Variants in NRXN1 observed in about 807,000 individuals in gnomAD.
The protein encoded by NRXN1 is neurexin 1, also known as neurexin-1.
NRXN1 carries 39 observed loss-of-function variants against 150.9 expected under a neutral mutation model. That is an observed-to-expected ratio of 0.26 (90% CI 0.20 to 0.34). NRXN1 has a LOEUF of 0.34. NRXN1 is among the 10% of genes least tolerant of loss of function. The pLI is 1.00. For missense variants in NRXN1, 1,815 were observed against 1,949.9 expected, an observed-to-expected ratio of 0.93 and a Z score of 1.30; for synonymous variants, 924 against 757.0, an observed-to-expected ratio of 1.22 and a Z score of -3.62.
At chr2:49,974,652 A>G (rs1415306296) in intron 21 of NRXN1, among the ~76,000 whole-genome samples, 2 of 152,150 alleles carry the variant, frequency 1.3e-5, no homozygotes. Flanking sequence ...TTTTATTTGT[A>G]AGTTAATGAA....
At chr2:50,139,625 A>C (rs972874260) in intron 18 of NRXN1, among the ~76,000 whole-genome samples, 4 of 152,058 alleles carry the variant, frequency 2.6e-5, no homozygotes, top group Admixed American at 2.6e-4. Context: ...ACAAAACAAA[A>C]CACCACCAGT....
At chr2:50,478,491 C>T (rs142630569) in intron 15 of NRXN1, among the ~76,000 whole-genome samples, 1 of 151,706 alleles carries the variant, frequency 6.6e-6, no homozygotes, top group East Asian at 1.9e-4. Context: ...AATAAATCTC[C>T]ATTTTTTAAA....
chr2:50,458,783 T>A (rs575690369), intron 17 of NRXN1, among the ~76,000 whole-genome samples: 6 of 152,198 alleles, frequency 3.9e-5, no homozygotes, highest in African/African-American at 1.4e-4. Flanking sequence ...TGTTTCACCA[T>A]ATTGGCCAGG....
At chr2:50,716,302 T>C (rs1192758645) in intron 5 of NRXN1, among the ~76,000 whole-genome samples, 1 of 152,050 alleles carries the variant, frequency 6.6e-6, no homozygotes, top group Non-Finnish European at 1.5e-5. Context: ...TACCACAGAT[T>C]AAAAACTAAA....
chr2:51,009,237 T>G (rs1475146948), intron 2 of NRXN1: 1 of 151,920 alleles, frequency 6.6e-6, no homozygotes, highest in African/African-American at 2.4e-5. Flanking sequence ...AGATATTCAG[T>G]TGTGAAACAC....
chr2:50,045,654 C>T (rs140170301), intron 21 of NRXN1, among the ~76,000 whole-genome samples: 3,559 of 152,182 alleles, frequency 0.023, 73 homozygotes, highest in Non-Finnish European at 0.035. Context: ...ATTTGTAGAG[C>T]TGATAAAAAC....
At chr2:50,116,663 C>A (rs1703113966) in intron 18 of NRXN1, among the ~76,000 whole-genome samples, 1 of 151,980 alleles carries the variant, frequency 6.6e-6, no homozygotes. Context: ...CTCTTCCCCA[C>A]ATCTCTTCTT....
chr2:50,874,343 G>A (rs541612861), intron 5 of NRXN1, among the ~76,000 whole-genome samples: 1 of 151,860 alleles, frequency 6.6e-6, no homozygotes, highest in South Asian at 2.1e-4. Flanking sequence ...TCAGGTACTT[G>A]ATACACTTTA....
chr2:50,959,419 C>T, intron 2 of NRXN1, among the ~76,000 whole-genome samples: 1 of 151,910 alleles, frequency 6.6e-6, no homozygotes, highest in East Asian at 1.9e-4. Context: ...AAATATTATT[C>T]AGCCATAAAA....
chr2:50,510,240 C>A (rs901718135), intron 12 of NRXN1, among the ~76,000 whole-genome samples: 1 of 152,060 alleles, frequency 6.6e-6, no homozygotes, highest in African/African-American at 2.4e-5. Context: ...GTAATCCCAG[C>A]ATTTTGTGAA....
intron 5 of NRXN1, among the ~76,000 whole-genome samples, chr2:50,787,357 C>T (rs1460820095): frequency 2.0e-5 from 3 of 151,840 alleles, no homozygotes; most frequent in Non-Finnish European, 4.4e-5. Context: ...GTCAGGAGTT[C>T]GAGACCAGCC....
intron 16 of NRXN1, among the ~76,000 whole-genome samples, 179 bp downstream of exon 16, chr2:50,472,119 G>A (rs1040358595): frequency 1.3e-5 from 2 of 151,726 alleles, no homozygotes; most frequent in Non-Finnish European, 2.9e-5. Context: ...ATGTAGGCTT[G>A]CAAACAGTAC....
At chr2:50,002,921 G>C (rs971251255) in intron 21 of NRXN1, among the ~76,000 whole-genome samples, 13 of 152,230 alleles carry the variant, frequency 8.5e-5, no homozygotes, top group East Asian at 1.9e-4. Flanking sequence ...ATACATGACA[G>C]TAATGTTACA....
chr2:50,041,032 C>T (rs973211564), intron 21 of NRXN1, among the ~76,000 whole-genome samples: 3 of 152,120 alleles, frequency 2.0e-5, no homozygotes, highest in East Asian at 1.9e-4. Context: ...ATTGATAGGA[C>T]GTATCTCAAA....
At chr2:50,819,898 T>A (rs992773526) in intron 5 of NRXN1, among the ~76,000 whole-genome samples, 1 of 152,128 alleles carries the variant, frequency 6.6e-6, no homozygotes, top group African/African-American at 2.4e-5. Context: ...CTCATGATAA[T>A]TCCTGTGTTT....
chr2:50,546,611 T>C (rs1020123748), intron 9 of NRXN1, among the ~76,000 whole-genome samples: 1 of 152,156 alleles, frequency 6.6e-6, no homozygotes, highest in African/African-American at 2.4e-5. Flanking sequence ...AATGTACAAA[T>C]ATAAAAAATA....
intron 9 of NRXN1, among the ~76,000 whole-genome samples, chr2:50,541,711 C>CCA (rs1281812443): frequency 2.0e-5 from 3 of 151,070 alleles, no homozygotes; most frequent in Non-Finnish European, 1.5e-5. Context: ...CCACCCACAC[C>CCA]CACACACACA....
chr2:50,829,116 G>A (rs1243604780), intron 5 of NRXN1, among the ~76,000 whole-genome samples: 1 of 149,372 alleles, frequency 6.7e-6, no homozygotes, highest in Non-Finnish European at 1.5e-5. Flanking sequence ...GCAATCGCAG[G>A]CACTCGGCAG....
At chr2:50,107,056 T>G (rs1388938537) in intron 18 of NRXN1, among the ~76,000 whole-genome samples, 1 of 151,962 alleles carries the variant, frequency 6.6e-6, no homozygotes, top group Non-Finnish European at 1.5e-5. Context: ...AATACTTAAG[T>G]TCTCCAAATA....
Sources: gnomAD v4.1 joint callset for allele counts (sites outside exome capture counted in the v4.1 genomes callset) on GRCh38, gnomAD v4.1.1 for gene constraint, MANE v1.5 for transcripts, NCBI Gene and HGNC (gene_info 2026-07-23, HGNC 2026-07-21) for gene names.